CTDSPL: variants seen among roughly 807,000 people sequenced by gnomAD.
The protein encoded by CTDSPL is CTD small phosphatase-like protein.
In CTDSPL, 8 loss-of-function variants were observed where a neutral mutation model predicts 30.5. The observed-to-expected ratio is 0.26, with a 90% CI of 0.15 to 0.47. The LOEUF is 0.47. Among genes scored for constraint, CTDSPL ranks in the 20% least tolerant of loss-of-function variants. The pLI, the probability that CTDSPL is intolerant of heterozygous loss-of-function variation, is 0.99. For missense variants in CTDSPL, 248 were observed against 366.1 expected (o/e 0.68, Z 2.63); for synonymous variants, 110 against 137.9 (o/e 0.80, Z 1.42).
intron 2 of CTDSPL, 132 bp from the exon 3 acceptor site, chr3:37,956,979 G>T: frequency 1.3e-6 from 1 of 786,806 alleles, no homozygotes; most frequent in Non-Finnish European, 2.1e-6. Context: ...TCCTCCTGTT[G>T]ATTAAACACC....
At chr3:37,876,065 G>A in intron 1 of CTDSPL, among the ~76,000 whole-genome samples, 1 of 151,864 alleles carries the variant, frequency 6.6e-6, no homozygotes, top group African/African-American at 2.4e-5. Flanking sequence ...AAACATAGTG[G>A]GACCCCATCT....
rs372845166 is a variant in CTDSPL, at chr3:37,927,684, G to GTGTATATA, written c.80-19372_80-19371insGTATATAT. On this transcript the variant is annotated intron_variant, in intron 1 of 7. Transcript: ENST00000273179. The stretch of plus-strand genomic sequence containing the variant: ...TGTGTGTGTGTGTGTGTGTGTATGT[G>GTGTATATA]TATATATATATATATATATATAAAA... Among the ~76,000 whole-genome samples the GTGTATATA allele has an allele frequency of 3.1e-3, 363 of 117,716 alleles. 1 individual carries two copies. The highest frequency in any genetic ancestry group is 3.7e-3 in the Non-Finnish European group (211 of 57,514). 77.2% of individuals were successfully genotyped at this position (117,716 alleles called of 152,430 possible).
chr3:37,981,668 T>G lies in CTDSPL; in HGVS notation c.*801T>G. The G allele has an allele frequency of 3.0e-6, 1 of 330,488 alleles. No homozygotes were observed. Among genetic ancestry groups the G allele is most frequent in the South Asian group, 2.3e-5 (1 of 42,916 alleles). The allele number at this position is 330,488 out of a possible 1,614,324, so 20.5% of individuals were successfully genotyped here. A position where few individuals can be genotyped will look rare whatever the true frequency, so the allele number is the denominator to read the frequency against. ...TTGTCTTGAGGTCACATTTTCTCCT[T>G]GAAAAGTGACATCCTGTCACTTCTG... On this transcript the variant is annotated 3_prime_UTR_variant, in exon 8 of 8. Coordinates refer to ENST00000273179, the MANE Select transcript of CTDSPL (RefSeq NM_001008392.2).
intron 6 of CTDSPL, 47 bp downstream of exon 6, chr3:37,971,546 C>T (rs1226389139): frequency 1.3e-6 from 2 of 1,512,312 alleles, no homozygotes; most frequent in Admixed American, 3.5e-5. Context: ...GTACTCCCAG[C>T]CCCTCCACCC....
intron 1 of CTDSPL, among the ~76,000 whole-genome samples, chr3:37,911,150 C>T (rs1698578642): frequency 6.6e-6 from 1 of 152,200 alleles, no homozygotes; most frequent in Admixed American, 6.5e-5. Flanking sequence ...CAAAACAGTT[C>T]TCATAAAAGA....
chr3:37,971,557 CT>C lies in CTDSPL; in HGVS notation c.519+59del, dbSNP rs1468519895. ...CCTGGTACTCCCAGCCCCTCCACCC[CT>C]ACCCCCAATCTGTCAAGCAGCCCTT... On this transcript the variant is annotated intron_variant, in intron 6 of 7. Coordinates refer to ENST00000273179, the MANE Select transcript of CTDSPL (RefSeq NM_001008392.2). 1.4e-5 allele frequency: 20 copies of C among 1,480,032 alleles called. No homozygotes were observed. In the East Asian group the frequency reaches 4.4e-4, roughly 32 times the overall value. 91.7% of individuals were successfully genotyped at this position (1,480,032 alleles called of 1,614,324 possible). A position where few individuals can be genotyped will look rare whatever the true frequency, so the allele number is the denominator to read the frequency against.
intron 4 of CTDSPL, among the ~76,000 whole-genome samples, chr3:37,967,452 G>A (rs73058983): frequency 2.6e-5 from 4 of 152,124 alleles, no homozygotes; most frequent in East Asian, 3.9e-4. Flanking sequence ...CACTGTCCTC[G>A]GAGCCCATTA....
intron 1 of CTDSPL, among the ~76,000 whole-genome samples, chr3:37,870,024 A>AT (rs898266419): frequency 3.3e-5 from 5 of 151,738 alleles, no homozygotes; most frequent in East Asian, 1.9e-4. Context: ...TTTGTTAAGG[A>AT]TTTTTTTGTC....
intron 1 of CTDSPL, among the ~76,000 whole-genome samples, chr3:37,888,130 C>T (rs766834460): frequency 3.3e-5 from 5 of 152,146 alleles, no homozygotes; most frequent in Non-Finnish European, 5.9e-5. Flanking sequence ...GAAGGATCCA[C>T]GCATGCCCTG....
chr3:37,971,144 C>A (rs1181964061), intron 5 of CTDSPL, among the ~76,000 whole-genome samples: 1 of 152,222 alleles, frequency 6.6e-6, no homozygotes, highest in African/African-American at 2.4e-5. Context: ...TGAATATCCC[C>A]AAGACCCTCA....
At chr3:37,927,627 G>C (rs1342385395) in intron 1 of CTDSPL, among the ~76,000 whole-genome samples, 1 of 132,746 alleles carries the variant, frequency 7.5e-6, no homozygotes, top group Non-Finnish European at 1.6e-5. Flanking sequence ...GTGGTTAAAA[G>C]AAAAATATAT....
chr3:37,910,623 T>C (rs1359750028), intron 1 of CTDSPL, among the ~76,000 whole-genome samples: 1 of 152,242 alleles, frequency 6.6e-6, no homozygotes, highest in Non-Finnish European at 1.5e-5. Flanking sequence ...ATGAATAATC[T>C]GCATGGAGTG....
intron 1 of CTDSPL, among the ~76,000 whole-genome samples, chr3:37,938,266 C>T (rs777370282): frequency 2.7e-5 from 4 of 149,926 alleles, no homozygotes; most frequent in African/African-American, 4.9e-5. Context: ...AGCTCTGAAT[C>T]GGTGCAGACC....
intron 3 of CTDSPL, among the ~76,000 whole-genome samples, chr3:37,959,406 C>G (rs1699211547): frequency 6.6e-6 from 1 of 152,218 alleles, no homozygotes; most frequent in Non-Finnish European, 1.5e-5. Context: ...GAAAATATCT[C>G]TCAATGTAAT....
chr3:37,931,792 A>G (rs1307292164), intron 1 of CTDSPL, among the ~76,000 whole-genome samples: 8 of 146,528 alleles, frequency 5.5e-5, no homozygotes, highest in Admixed American at 5.4e-4. Flanking sequence ...GGTCTAAGCT[A>G]TAACAATTTT....
rs1216101590 is a variant in CTDSPL at position 37,982,410 on chromosome 3, A to G, written c.*1543A>G. On this transcript the variant is annotated 3_prime_UTR_variant, in exon 8 of 8. Transcript: ENST00000273179. ...GACAGTCTGTAAAGTATTGCTCTTA[A>G]AAACAATTAAAAAGAACCCTTTCAT... 1 of 386,126 alleles carries G rather than the reference A, an allele frequency of 2.6e-6. No homozygotes were observed. The highest frequency in any genetic ancestry group is 2.1e-5 in the African/African-American group (1 of 47,778). 23.9% of individuals were successfully genotyped at this position (386,126 alleles called of 1,614,324 possible). A position where few individuals can be genotyped will look rare whatever the true frequency, so the allele number is the denominator to read the frequency against.
intron 7 of CTDSPL, among the ~76,000 whole-genome samples, chr3:37,979,231 G>A (rs185746687): frequency 1.6e-3 from 248 of 152,062 alleles, no homozygotes; most frequent in Non-Finnish European, 2.9e-3. Context: ...GGGAGGCTGA[G>A]GAGGGAGGAT....
chr3:37,871,710 G>A (rs752973722), intron 1 of CTDSPL, among the ~76,000 whole-genome samples: 14 of 152,102 alleles, frequency 9.2e-5, no homozygotes, highest in Non-Finnish European at 1.9e-4. Flanking sequence ...TTTCAGCTCT[G>A]CTCTTTCTCT....
In CTDSPL at chr3:37,955,897, C is replaced by CTACT. The variant is rs1299470766; in HGVS notation, c.235-1213_235-1210dup. 5.3e-5 allele frequency among the ~76,000 whole-genome samples: 8 copies of CTACT among 152,232 alleles called. No individual in the cohort carries two copies. In the East Asian group the frequency reaches 1.5e-3, roughly 29 times the overall value. On this transcript the variant is annotated intron_variant, in intron 2 of 7. Coordinates refer to ENST00000273179, the MANE Select transcript of CTDSPL (RefSeq NM_001008392.2). ...CAAGTATGTCTGTAGGGGCAGTGACCTACTCTTGAGTCCCTGTATTAGGAA... is the reference window on the plus strand; with the variant it reads ...CAAGTATGTCTGTAGGGGCAGTGACCTACTTACTCTTGAGTCCCTGTATTAGGAA...
Sources: allele counts gnomAD v4.1 joint callset (sites outside exome capture counted in the v4.1 genomes callset), GRCh38; gene constraint gnomAD v4.1.1; transcripts MANE v1.5; gene names NCBI Gene and HGNC (gene_info 2026-07-23, HGNC 2026-07-21).